Variants in MMP16 observed in about 807,000 individuals in gnomAD.
MMP16 encodes matrix metallopeptidase 16, also known as matrix metalloproteinase-16.
Under a neutral mutation model 67.8 loss-of-function variants are expected in MMP16, and 12 were observed. The ratio of observed to expected loss-of-function variants is 0.18; its 90% CI spans 0.11 to 0.29. MMP16 has a LOEUF of 0.29. Among genes scored for constraint, MMP16 ranks in the 10% least tolerant of loss-of-function variants. The probability of loss-of-function intolerance (pLI) is 1.00; values close to 1 mark genes in which losing one functional copy is unlikely to be tolerated. For synonymous variants in MMP16, 249 were observed against 255.9 expected, an observed-to-expected ratio of 0.97 and a Z score of 0.26; for missense variants, 475 against 765.7, an observed-to-expected ratio of 0.62 and a Z score of 4.48.
chr8:88,151,686 C>A (rs1808410364), intron 4 of MMP16, among the ~76,000 whole-genome samples: 1 of 150,884 alleles, frequency 6.6e-6, no homozygotes, highest in African/African-American at 2.4e-5. Flanking sequence ...ACACAACATA[C>A]CAGAATCTCT....
intron 1 of MMP16, among the ~76,000 whole-genome samples, chr8:88,235,259 G>C (rs1809922028): frequency 6.6e-6 from 1 of 151,964 alleles, no homozygotes; most frequent in Non-Finnish European, 1.5e-5. Flanking sequence ...AGGCATGGTG[G>C]TGCATGCCTG....
At chr8:88,268,409 A>C (rs1039211720) in intron 1 of MMP16, among the ~76,000 whole-genome samples, 4 of 152,180 alleles carry the variant, frequency 2.6e-5, no homozygotes, top group African/African-American at 9.7e-5. Context: ...CGTCTATTCA[A>C]CAAAATATCT....
chr8:88,158,039 T>C (rs977072375), intron 4 of MMP16, among the ~76,000 whole-genome samples: 3 of 152,168 alleles, frequency 2.0e-5, no homozygotes, highest in South Asian at 2.1e-4. Context: ...CCATGGTGTA[T>C]AGGTGCCCCA....
At chr8:88,105,539 G>C (rs1036649868) in intron 6 of MMP16, among the ~76,000 whole-genome samples, 1 of 151,376 alleles carries the variant, frequency 6.6e-6, no homozygotes, top group Non-Finnish European at 1.5e-5. Context: ...GCATAGTGAT[G>C]GAAACAGAAA....
intron 7 of MMP16, among the ~76,000 whole-genome samples, chr8:88,063,344 C>T (rs2118245357): frequency 6.6e-6 from 1 of 152,152 alleles, no homozygotes; most frequent in Non-Finnish European, 1.5e-5. Flanking sequence ...GCTGCAGAAA[C>T]ACTGATGAAG....
intron 1 of MMP16, among the ~76,000 whole-genome samples, chr8:88,317,101 T>C (rs1290129952): frequency 6.6e-6 from 1 of 152,164 alleles, no homozygotes; most frequent in African/African-American, 2.4e-5. Context: ...ACTGTTGAAA[T>C]GAAAACAAAG....
At chr8:88,117,110 G>T (rs1213528009) in intron 5 of MMP16, among the ~76,000 whole-genome samples, 1 of 152,068 alleles carries the variant, frequency 6.6e-6, no homozygotes, top group Non-Finnish European at 1.5e-5. Flanking sequence ...GTTAATCCTA[G>T]ATTTCGATAG....
chr8:88,101,187 A>G (rs758149698), intron 6 of MMP16, among the ~76,000 whole-genome samples: 3 of 151,910 alleles, frequency 2.0e-5, no homozygotes, highest in Non-Finnish European at 2.9e-5. Flanking sequence ...CTCAGGCTCA[A>G]CAGTGGAGTC....
Position 88,055,111 on chromosome 8 carries a change from A to T in MMP16, c.1373+1017T>A, listed in dbSNP as rs181621506. On this transcript the variant is annotated intron_variant, in intron 8 of 9. Coordinates refer to ENST00000286614, the MANE Select transcript of MMP16 (RefSeq NM_005941.5). Reference sequence around the variant, plus strand: ...TATTTATTTAAATTAATACAAATATAGGCTTCAACTTACATATATTCCATT... The same window carrying T: ...TATTTATTTAAATTAATACAAATATTGGCTTCAACTTACATATATTCCATT... 2.5e-3 allele frequency among the ~76,000 whole-genome samples: 384 copies of T among 152,264 alleles called. 4 individuals are homozygous for T. Among genetic ancestry groups the T allele is most frequent in the South Asian group, 0.015 (73 of 4,830 alleles).
rs149723132 is a variant in MMP16, at chr8:88,241,786, C to T, written c.133-44480G>A. Reference sequence around the variant, plus strand: ...GATATTCTGATACATGTGTAATGATCAAATCAGAGTAATTAGTGTATTCAT... The same window carrying T: ...GATATTCTGATACATGTGTAATGATTAAATCAGAGTAATTAGTGTATTCAT... On this transcript the variant is annotated intron_variant, in intron 1 of 9. Transcript: ENST00000286614. Among the ~76,000 whole-genome samples, 1,018 of 152,002 alleles carry T rather than the reference C, an allele frequency of 6.7e-3. 7 individuals are homozygous for T. The highest frequency in any genetic ancestry group is 0.023 in the African/African-American group (973 of 41,502).
At chr8:88,126,022 T>G (rs2118457707) in intron 4 of MMP16, among the ~76,000 whole-genome samples, 1 of 152,010 alleles carries the variant, frequency 6.6e-6, no homozygotes, top group Admixed American at 6.6e-5. Context: ...ATTTCCAAAA[T>G]AATAATACAA....
At chr8:88,200,926 G>A (rs1809333908) in intron 1 of MMP16, among the ~76,000 whole-genome samples, 2 of 151,670 alleles carry the variant, frequency 1.3e-5, no homozygotes, top group Non-Finnish European at 1.5e-5. Context: ...TATTCCTTCA[G>A]GCCAATACTA....
chr8:88,137,992 T>TAACAGTTGA (rs1808150614), intron 4 of MMP16, among the ~76,000 whole-genome samples: 1 of 152,016 alleles, frequency 6.6e-6, no homozygotes, highest in South Asian at 2.1e-4. Flanking sequence ...ATATTTCATT[T>TAACAGTTGA]AACAGTTGAA....
chr8:88,094,769 T>C (rs905591288), intron 6 of MMP16, among the ~76,000 whole-genome samples: 1 of 151,838 alleles, frequency 6.6e-6, no homozygotes, highest in African/African-American at 2.4e-5. Flanking sequence ...GGAAAATTTG[T>C]CCATTTTCTT....
chr8:88,313,259 G>A (rs894628855), intron 1 of MMP16, among the ~76,000 whole-genome samples: 1 of 152,152 alleles, frequency 6.6e-6, no homozygotes, highest in Non-Finnish European at 1.5e-5. Context: ...CTGTGCTGGA[G>A]ATAAATCTTT....
intron 6 of MMP16, among the ~76,000 whole-genome samples, chr8:88,106,464 C>A (rs1809243621): frequency 6.6e-6 from 1 of 151,250 alleles, no homozygotes; most frequent in Non-Finnish European, 1.5e-5. Flanking sequence ...GCTGAAATGA[C>A]TGTTTATGTA....
At chr8:88,272,658 G>A (rs923794104) in intron 1 of MMP16, among the ~76,000 whole-genome samples, 2 of 152,206 alleles carry the variant, frequency 1.3e-5, no homozygotes, top group Admixed American at 6.5e-5. Context: ...GTTGTCACAA[G>A]GAACGGGAAA....
chr8:88,160,367 A>T (rs931386835), intron 4 of MMP16, among the ~76,000 whole-genome samples: 4 of 151,986 alleles, frequency 2.6e-5, no homozygotes, highest in Non-Finnish European at 5.9e-5. Flanking sequence ...AATCCAGTCT[A>T]TCATTGTTGG....
chr8:88,103,074 T>G (rs1809171477), intron 6 of MMP16, among the ~76,000 whole-genome samples: 1 of 151,846 alleles, frequency 6.6e-6, no homozygotes, highest in Non-Finnish European at 1.5e-5. Flanking sequence ...AGACTTTCCA[T>G]CTTCATTTCT....
Sources: allele counts gnomAD v4.1 joint callset (sites outside exome capture counted in the v4.1 genomes callset), GRCh38; gene constraint gnomAD v4.1.1; transcripts MANE v1.5; gene names NCBI Gene and HGNC (gene_info 2026-07-23, HGNC 2026-07-21).